Variants in FGL1 observed in about 807,000 individuals in gnomAD.
The protein encoded by FGL1 is fibrinogen-like protein 1.
Under a neutral mutation model 43.7 loss-of-function variants are expected in FGL1, and 59 were observed. The observed-to-expected ratio is 1.35, with a 90% CI of 1.10 to 1.68. The LOEUF (loss-of-function observed/expected upper bound fraction) is 1.68. Ranked by LOEUF, FGL1 falls within the 40% of genes most tolerant of loss-of-function variation. The pLI is 0.00. For synonymous variants in FGL1, 192 were observed against 126.5 expected, an observed-to-expected ratio of 1.52 and a Z score of -3.48; for missense variants, 596 against 373.0, an observed-to-expected ratio of 1.60 and a Z score of -4.92.
intron 3 of FGL1, among the ~76,000 whole-genome samples, chr8:17,878,973 A>G (rs1214048032): frequency 6.6e-6 from 1 of 150,906 alleles, no homozygotes; most frequent in African/African-American, 2.4e-5. Flanking sequence ...ATCTGTTCTT[A>G]GTAGCCTCTC....
intron 3 of FGL1, among the ~76,000 whole-genome samples, chr8:17,879,547 A>T (rs2053504007): frequency 6.6e-6 from 1 of 151,924 alleles, no homozygotes; most frequent in Non-Finnish European, 1.5e-5. Context: ...GTGAGTTCTC[A>T]TGAGATCTGG....
intron 1 of FGL1, among the ~76,000 whole-genome samples, chr8:17,886,157 T>C (rs1014675821): frequency 6.6e-6 from 1 of 152,226 alleles, no homozygotes; most frequent in African/African-American, 2.4e-5. Context: ...GAATTATTCC[T>C]CAGGAGGCAA....
At chr8:17,887,231 C>G (rs574036685) in intron 1 of FGL1, among the ~76,000 whole-genome samples, 1 of 152,096 alleles carries the variant, frequency 6.6e-6, no homozygotes, top group Non-Finnish European at 1.5e-5. Context: ...AGAGCTTCAC[C>G]GAAAAGATCT....
intron 2 of FGL1, 28 bp downstream of exon 2, chr8:17,885,464 A>G (rs770659402): frequency 1.9e-6 from 3 of 1,547,902 alleles, no homozygotes; most frequent in Non-Finnish European, 2.7e-6. Context: ...CATTATAAAT[A>G]TGACAATAGT....
chr8:17,876,863 C>A (rs973719301), intron 3 of FGL1, among the ~76,000 whole-genome samples: 1 of 152,142 alleles, frequency 6.6e-6, no homozygotes, highest in African/African-American at 2.4e-5. Flanking sequence ...ATGCTAACTG[C>A]GAGTTTGTTA....
chr8:17,888,234 G>A (rs1323146166), intron 1 of FGL1, among the ~76,000 whole-genome samples: 1 of 152,080 alleles, frequency 6.6e-6, no homozygotes, highest in African/African-American at 2.4e-5. Context: ...AAGATAAAAT[G>A]GGGTGAGAAT....
intron 1 of FGL1, among the ~76,000 whole-genome samples, chr8:17,886,890 T>C (rs1471692660): frequency 1.3e-5 from 2 of 152,088 alleles, no homozygotes; most frequent in South Asian, 2.1e-4. Context: ...TGTAGCACCC[T>C]AGGGGATTCT....
intron 2 of FGL1, among the ~76,000 whole-genome samples, 195 bp downstream of exon 2, chr8:17,885,297 C>A (rs1054170987): frequency 6.6e-6 from 1 of 151,998 alleles, no homozygotes; most frequent in Admixed American, 6.6e-5. Context: ...CCCATCTCGG[C>A]CTCCCCTGCA....
Position 17,864,496 on chromosome 8 carries a change from G to T in FGL1, c.*96C>A. On this transcript the variant is annotated 3_prime_UTR_variant, in exon 8 of 8. Transcript: ENST00000427924. ...AGAATGAAAAGCACTACTCACAACA[G>T]TTATCATGATTGCGCATGGATATGT... 1.5e-6 allele frequency: 2 copies of T among 1,341,836 alleles called. No homozygotes were observed. The highest frequency in any genetic ancestry group is 2.5e-5 in the East Asian group (1 of 40,804). 83.1% of individuals were successfully genotyped at this position (1,341,836 alleles called of 1,614,324 possible).
At chr8:17,871,568 G>A (rs527240620) in intron 5 of FGL1, among the ~76,000 whole-genome samples, 1 of 150,738 alleles carries the variant, frequency 6.6e-6, no homozygotes, top group South Asian at 2.1e-4. Context: ...ACATTGAAAT[G>A]TCTCTTTGTT....
At chr8:17,879,088 A>G (rs2053497868) in intron 3 of FGL1, among the ~76,000 whole-genome samples, 1 of 151,468 alleles carries the variant, frequency 6.6e-6, no homozygotes, top group Admixed American at 6.6e-5. Context: ...TATGAAAAAT[A>G]TTGTTTTAAT....
At chr8:17,881,088 C>G (rs1197107851) in intron 3 of FGL1, among the ~76,000 whole-genome samples, 1 of 151,430 alleles carries the variant, frequency 6.6e-6, no homozygotes, top group East Asian at 1.9e-4. Flanking sequence ...TACACAAACA[C>G]AAAGCTCAAA....
chr8:17,875,577 C>A (rs1444623520), intron 3 of FGL1, among the ~76,000 whole-genome samples: 1 of 22,242 alleles, frequency 4.5e-5, no homozygotes, highest in Admixed American at 3.1e-4. Flanking sequence ...TTCTTTCTTT[C>A]TTTCTTTCTT....
chr8:17,882,250 G>A (rs2053548794), intron 2 of FGL1, 71 bp from the exon 3 acceptor site: 8 of 1,356,668 alleles, frequency 5.9e-6, no homozygotes, highest in East Asian at 2.5e-5. Context: ...TTAAACATTT[G>A]GATAAATCAG....
chr8:17,880,936 A>G (rs2131723835), intron 3 of FGL1, among the ~76,000 whole-genome samples: 1 of 152,272 alleles, frequency 6.6e-6, no homozygotes, highest in East Asian at 1.9e-4. Flanking sequence ...GAAAATATAC[A>G]TATAAAAAAC....
In FGL1 at chr8:17,891,696, A is replaced by G. The variant is rs1014160364; in HGVS notation, c.-18+3751T>C. 2.5e-5 allele frequency: 25 copies of G among 985,094 alleles called. No homozygotes were observed. The Middle Eastern group carries it at 1.5e-3, about 61-fold the overall frequency. 61.0% of individuals were successfully genotyped at this position (985,094 alleles called of 1,614,324 possible). On this transcript the variant is annotated intron_variant, in intron 1 of 7. Transcript: ENST00000427924. ...ACTTGTAAACCTGAATTAGAATTGTAGAACTTCCCAGGATCTGTTATTGTA... is the reference window on the plus strand; with the variant it reads ...ACTTGTAAACCTGAATTAGAATTGTGGAACTTCCCAGGATCTGTTATTGTA...
intron 1 of FGL1, among the ~76,000 whole-genome samples, chr8:17,887,834 CA>C (rs35899868): frequency 0.73 from 105,147 of 143,566 alleles, 38,429 homozygotes; most frequent in Non-Finnish European, 0.79. Flanking sequence ...GACTCCATCT[CA>C]AAAAAAAAAA....
chr8:17,887,392 C>A (rs184067878), intron 1 of FGL1, among the ~76,000 whole-genome samples: 1 of 152,182 alleles, frequency 6.6e-6, no homozygotes, highest in Non-Finnish European at 1.5e-5. Flanking sequence ...TTTCTTTCAA[C>A]GTAAGTCTTC....
intron 2 of FGL1, among the ~76,000 whole-genome samples, chr8:17,882,976 A>ATAT (rs2053565168): frequency 9.5e-5 from 9 of 94,786 alleles, no homozygotes; most frequent in African/African-American, 5.0e-4. Context: ...ATAATATATT[A>ATAT]AATATATAAT....
Sources: allele counts gnomAD v4.1 joint callset (sites outside exome capture counted in the v4.1 genomes callset), GRCh38; gene constraint gnomAD v4.1.1; transcripts MANE v1.5; gene names NCBI Gene and HGNC (gene_info 2026-07-23, HGNC 2026-07-21).